The following THSD7B variants were observed in gnomAD, a reference collection of about 807,000 sequenced individuals.
THSD7B encodes the protein thrombospondin type 1 domain containing 7B, also known as thrombospondin type-1 domain-containing protein 7B.
In THSD7B, 138 loss-of-function variants were observed where a neutral mutation model predicts 213.6. That is an observed-to-expected ratio of 0.65 (90% CI 0.56 to 0.74). The LOEUF (loss-of-function observed/expected upper bound fraction) is 0.74, where lower values mean the gene tolerates loss of function less well. THSD7B is among the 30% of genes least tolerant of loss of function. THSD7B has a pLI of 0.00. For synonymous variants in THSD7B, 742 were observed against 687.0 expected, an observed-to-expected ratio of 1.08 and a Z score of -1.25; for missense variants, 1,931 against 1,991.5, an observed-to-expected ratio of 0.97 and a Z score of 0.58.
rs1328081423 is a variant in THSD7B, at chr2:137,615,891, A to G, written c.3424-284A>G. ...ATTGTTGCAGACTATTTGAGAGTAC[A>G]GTGTGAGTTTAAATGATAGAAATAG... On this transcript the variant is annotated intron_variant, in intron 17 of 27. Transcript: ENST00000409968. 3.9e-5 allele frequency among the ~76,000 whole-genome samples: 6 copies of G among 152,272 alleles called. No homozygotes were observed. The East Asian group carries it at 9.7e-4, about 24-fold the overall frequency.
intron 9 of THSD7B, among the ~76,000 whole-genome samples, chr2:137,241,063 A>G (rs148187937): frequency 6.6e-5 from 10 of 152,178 alleles, no homozygotes; most frequent in African/African-American, 2.4e-4. Flanking sequence ...TGTCTCCATG[A>G]AGCTTTGGGT....
intron 1 of THSD7B, among the ~76,000 whole-genome samples, chr2:136,783,911 GAA>G (rs1258906012): frequency 1.3e-5 from 2 of 152,216 alleles, no homozygotes; most frequent in African/African-American, 2.4e-5. Context: ...TTTCGTAAGA[GAA>G]ATGCATGGCA....
At chr2:137,638,697 G>A (rs555191438) in intron 20 of THSD7B, among the ~76,000 whole-genome samples, 1 of 152,316 alleles carries the variant, frequency 6.6e-6, no homozygotes, top group Non-Finnish European at 1.5e-5. Context: ...AATGCTGATA[G>A]TGATATGAAC....
At chr2:137,130,829 C>T (rs1278572248) in intron 5 of THSD7B, among the ~76,000 whole-genome samples, 2,434 of 120,026 alleles carry the variant, frequency 0.02, 41 homozygotes, top group Admixed American at 0.036. Context: ...AATAGTGCCA[C>T]AATAAACATA....
intron 15 of THSD7B, among the ~76,000 whole-genome samples, chr2:137,453,326 C>CTTTTTTTTTTT (rs70978223): frequency 6.2e-5 from 6 of 96,856 alleles, no homozygotes; most frequent in South Asian, 3.7e-4. Context: ...TTGAAATTTA[C>CTTTTTTTTTTT]TTTTTTTTTT....
chr2:137,029,630 GA>G (rs1686626062), intron 2 of THSD7B, among the ~76,000 whole-genome samples: 1 of 152,068 alleles, frequency 6.6e-6, no homozygotes, highest in Non-Finnish European at 1.5e-5. Context: ...TGCAAAAGTA[GA>G]ATATCCCAAT....
chr2:136,935,019 A>G (rs552947466), intron 2 of THSD7B, among the ~76,000 whole-genome samples: 1 of 152,206 alleles, frequency 6.6e-6, no homozygotes, highest in South Asian at 2.1e-4. Context: ...AATATAAAAG[A>G]TACATTCTTC....
At chr2:137,178,739 A>G (rs1680403462) in intron 7 of THSD7B, among the ~76,000 whole-genome samples, 1 of 152,226 alleles carries the variant, frequency 6.6e-6, no homozygotes. Context: ...AGGAACTGCA[A>G]TGCAGGTTTA....
chr2:137,468,509 A>T (rs1008413276), intron 15 of THSD7B, among the ~76,000 whole-genome samples: 3 of 151,550 alleles, frequency 2.0e-5, no homozygotes, highest in African/African-American at 7.3e-5. Flanking sequence ...TATCGCCATT[A>T]TGAGTCTCCA....
chr2:137,174,435 C>T (rs1680321017), intron 7 of THSD7B, among the ~76,000 whole-genome samples: 2 of 152,082 alleles, frequency 1.3e-5, no homozygotes, highest in African/African-American at 4.8e-5. Context: ...CACATTGAAA[C>T]CAGGGAGTAT....
At chr2:137,072,516 G>C (rs1012756092) in intron 3 of THSD7B, among the ~76,000 whole-genome samples, 1 of 152,010 alleles carries the variant, frequency 6.6e-6, no homozygotes, top group African/African-American at 2.4e-5. Context: ...GAGATGATGG[G>C]GTTTTCTAGA....
chr2:137,228,145 T>TG (rs1681552388), intron 7 of THSD7B, among the ~76,000 whole-genome samples: 1 of 19,596 alleles, frequency 5.1e-5, no homozygotes, highest in Non-Finnish European at 1.9e-4. Context: ...ACTGTGCAGC[T>TG]GTTTTTTTTT....
chr2:137,601,057 C>T (rs571718009), intron 17 of THSD7B, among the ~76,000 whole-genome samples: 1 of 152,146 alleles, frequency 6.6e-6, no homozygotes, highest in Non-Finnish European at 1.5e-5. Context: ...TTAGGCTATA[C>T]AACGTGTTTG....
intron 10 of THSD7B, among the ~76,000 whole-genome samples, chr2:137,246,382 A>G (rs1682038302): frequency 6.6e-6 from 1 of 152,166 alleles, no homozygotes; most frequent in African/African-American, 2.4e-5. Flanking sequence ...TTGTGATAAC[A>G]ACCAGGGAAT....
intron 1 of THSD7B, among the ~76,000 whole-genome samples, chr2:136,777,674 C>T (rs567285122): frequency 1.1e-4 from 17 of 152,044 alleles, no homozygotes; most frequent in East Asian, 9.7e-4. Flanking sequence ...ACAAGGAAAA[C>T]GAGTAATTTT....
At chr2:137,160,703 A>C (rs1680003733) in intron 6 of THSD7B, among the ~76,000 whole-genome samples, 1 of 152,192 alleles carries the variant, frequency 6.6e-6, no homozygotes, top group Non-Finnish European at 1.5e-5. Context: ...GGCTCACTGC[A>C]ATCTCTGCCT....
At chr2:137,455,004 G>T (rs1296797708) in intron 15 of THSD7B, among the ~76,000 whole-genome samples, 1 of 1,380 alleles carries the variant, frequency 7.2e-4, no homozygotes, top group African/African-American at 9.3e-4. Flanking sequence ...CTAACATACT[G>T]TTCAAAAAAT....
chr2:136,931,011 T>C (rs1438604907), intron 2 of THSD7B, among the ~76,000 whole-genome samples: 1 of 152,138 alleles, frequency 6.6e-6, no homozygotes, highest in South Asian at 2.1e-4. Context: ...CAGAACTTTT[T>C]TTCCTGATTG....
chr2:137,471,955 T>G (rs1299969675), intron 15 of THSD7B, among the ~76,000 whole-genome samples: 2 of 152,192 alleles, frequency 1.3e-5, no homozygotes, highest in African/African-American at 4.8e-5. Context: ...CAAGTCTCTA[T>G]CAAAAATGAT....
Sources: allele counts gnomAD v4.1 joint callset (sites outside exome capture counted in the v4.1 genomes callset), GRCh38; gene constraint gnomAD v4.1.1; transcripts MANE v1.5; gene names NCBI Gene and HGNC (gene_info 2026-07-23, HGNC 2026-07-21).